Variants in ADGRA1 observed in about 807,000 individuals in gnomAD.
ADGRA1 encodes G-protein coupled receptor 123.
Under a neutral mutation model 21.3 loss-of-function variants are expected in ADGRA1, and 12 were observed. The observed-to-expected ratio is 0.56, with a 90% CI of 0.36 to 0.91. ADGRA1 has a LOEUF of 0.91. ADGRA1 is among the 40% of genes least tolerant of loss of function. ADGRA1 has a pLI of 0.01. For missense variants in ADGRA1, 790 were observed against 805.6 expected (o/e 0.98, Z 0.23); for synonymous variants, 385 against 368.8 (o/e 1.04, Z -0.50).
intron 5 of ADGRA1, among the ~76,000 whole-genome samples, chr10:133,119,886 A>G (rs1852224415): frequency 6.6e-6 from 1 of 152,208 alleles, no homozygotes. Flanking sequence ...TGTCCACTTA[A>G]CGGAGCACAG....
At chr10:133,103,253 C>T (rs1851831682) in intron 5 of ADGRA1, among the ~76,000 whole-genome samples, 1 of 152,208 alleles carries the variant, frequency 6.6e-6, no homozygotes, top group Non-Finnish European at 1.5e-5. Flanking sequence ...ACCCTCTATG[C>T]CCCGCAGGGC....
chr10:133,114,160 C>T (rs868669342), intron 5 of ADGRA1, among the ~76,000 whole-genome samples: 9 of 152,220 alleles, frequency 5.9e-5, no homozygotes, highest in South Asian at 4.1e-4. Flanking sequence ...GCCCAGTGCC[C>T]GCACACTTAG....
chr10:133,092,889 G>C (rs1032270948), intron 2 of ADGRA1: 1 of 1,515,830 alleles, frequency 6.6e-7, no homozygotes, highest in Non-Finnish European at 8.9e-7. Flanking sequence ...AATGAAGGGA[G>C]CCTGAACCTG....
In ADGRA1 at chr10:133,128,435, C is replaced by A. The variant is rs759071235; in HGVS notation, c.607C>A (p.Arg203Ser). ...YFLGTYVQLR[R>S]HPGRRYELRT... ...CCTGGGCACCTACGTGCAGCTGCGGCGCCACCCAGGGCGCAGGTACGAGCT... is the reference window on the plus strand; with the variant it reads ...CCTGGGCACCTACGTGCAGCTGCGGAGCCACCCAGGGCGCAGGTACGAGCT... Residue 203 changes from arginine (R) to serine (S), a missense_variant, in exon 7 of 7, where the codon CGC (arginine) becomes AGC (serine). By Grantham distance (110) the Arg-to-Ser change is moderately radical. This residue lies in a region of ADGRA1 where 382 missense variants were observed against 415.6 expected (regional missense o/e 0.92). Transcript: ENST00000392607. 1.2e-6 allele frequency: 2 copies of A among 1,604,862 alleles called. No homozygotes were observed. Among genetic ancestry groups the A allele is most frequent in the African/African-American group, 2.7e-5 (2 of 74,574 alleles).
intron 5 of ADGRA1, among the ~76,000 whole-genome samples, chr10:133,124,919 C>T (rs748393002): frequency 3.9e-5 from 6 of 152,342 alleles, no homozygotes; most frequent in African/African-American, 1.2e-4. Context: ...GGCGGCCTCC[C>T]GCGCCCTCTG....
chr10:133,088,145 AGGACGCGCGGGTCTGGGCGGCGGGAG>A lies in ADGRA1; in HGVS notation c.-203+19_-203+44del. 1.0e-6 allele frequency: 1 copy of A among 979,438 alleles called. No homozygotes were observed. The highest frequency in any genetic ancestry group is 5.3e-4 in the Middle Eastern group (1 of 1,900). 60.7% of individuals were successfully genotyped at this position (979,438 alleles called of 1,614,324 possible). On this transcript the variant is annotated splice_region_variant and intron_variant, in intron 1 of 6. Transcript: ENST00000392607. ...GCCGCTTCGGCCACAGCAGGTGGGA[AGGACGCGCGGGTCTGGGCGGCGGGAG>A]GGACGCGCGGGGCCGCGGCTCGGCA...
chr10:133,088,140 T>C lies in ADGRA1; in HGVS notation c.-203+2T>C, dbSNP rs1022799460. 4.1e-6 allele frequency: 4 copies of C among 979,806 alleles called. No individual in the cohort carries two copies. In the African/African-American group the frequency reaches 7.0e-5, roughly 17 times the overall value. 60.7% of individuals were successfully genotyped at this position (979,806 alleles called of 1,614,324 possible). The stretch of plus-strand genomic sequence containing the variant: ...CGGCAGCCGCTTCGGCCACAGCAGG[T>C]GGGAAGGACGCGCGGGTCTGGGCGG... On this transcript the variant is annotated splice_donor_variant, in intron 1 of 6. Coordinates refer to ENST00000392607, the MANE Select transcript of ADGRA1 (RefSeq NM_001083909.3). LOFTEE classifies it low-confidence loss of function (5UTR_SPLICE).
At chr10:133,117,471 C>A (rs1852181187) in intron 5 of ADGRA1, among the ~76,000 whole-genome samples, 2 of 152,342 alleles carry the variant, frequency 1.3e-5, no homozygotes, top group South Asian at 4.1e-4. Flanking sequence ...AGGTCCGGTG[C>A]ACTGTGGACG....
chr10:133,119,653 G>A (rs1231491945), intron 5 of ADGRA1, among the ~76,000 whole-genome samples: 10 of 152,076 alleles, frequency 6.6e-5, no homozygotes, highest in Non-Finnish European at 1.3e-4. Context: ...CCACTTTTTT[G>A]CTCATCCATA....
Position 133,129,181 on chromosome 10 carries a change from G to A in ADGRA1, c.1353G>A (p.Ser451=), listed in dbSNP as rs116404427. ...GCCTGGATGGCAGCCCCCGCAGCTC[G>A]CGCACAGACAGCCCCCCCAGCTCTC... ...PSSLDGSPRS[S]RTDSPPSSLD... Residue 451 remains serine (S), a synonymous_variant, in exon 7 of 7, where the codon TCG becomes TCA. Coordinates refer to ENST00000392607, the MANE Select transcript of ADGRA1 (RefSeq NM_001083909.3). The A allele has an allele frequency of 1.2e-3, 1,910 of 1,550,816 alleles. 23 individuals carry two copies. In the African/African-American group the frequency reaches 0.022, roughly 18 times the overall value.
intron 5 of ADGRA1, among the ~76,000 whole-genome samples, chr10:133,124,127 G>C (rs1591188400): frequency 6.6e-6 from 1 of 152,086 alleles, no homozygotes; most frequent in East Asian, 1.9e-4. Context: ...CCCAGGCTCT[G>C]CACCCTCCCC....
chr10:133,111,791 AC>A (rs1417521902), intron 5 of ADGRA1, among the ~76,000 whole-genome samples: 5 of 146,942 alleles, frequency 3.4e-5, no homozygotes, highest in Non-Finnish European at 7.5e-5. Context: ...ATCCCTCCAG[AC>A]CACCTGCCCA....
rs2806454 is a variant in ADGRA1, at chr10:133,130,923, G to A, written c.*1412G>A. ...TACTTAACACACACTTGCACCTGCTGTGCACATGTGCACACACACGTAGTA... is the reference window on the plus strand; with the variant it reads ...TACTTAACACACACTTGCACCTGCTATGCACATGTGCACACACACGTAGTA... On this transcript the variant is annotated 3_prime_UTR_variant, in exon 7 of 7. Coordinates refer to ENST00000392607, the MANE Select transcript of ADGRA1 (RefSeq NM_001083909.3). 99,008 of 152,096 alleles carry A rather than the reference G, an allele frequency of 0.65. 32,801 individuals are homozygous for A. Among genetic ancestry groups the A allele is most frequent in the African/African-American group, 0.78 (32,187 of 41,488 alleles). 9.4% of individuals were successfully genotyped at this position (152,096 alleles called of 1,614,324 possible). A position where few individuals can be genotyped will look rare whatever the true frequency, so the allele number is the denominator to read the frequency against.
intron 5 of ADGRA1, among the ~76,000 whole-genome samples, chr10:133,116,323 C>T (rs982491321): frequency 2.0e-4 from 30 of 152,102 alleles, no homozygotes; most frequent in Non-Finnish European, 1.8e-4. Flanking sequence ...AGCTCCCAGC[C>T]GCCCTCCCCG....
intron 5 of ADGRA1, among the ~76,000 whole-genome samples, chr10:133,122,736 C>T (rs1394147019): frequency 1.3e-5 from 2 of 152,138 alleles, no homozygotes; most frequent in African/African-American, 4.8e-5. Flanking sequence ...GGGCCGGCCC[C>T]ACCCCTGGCC....
Position 133,128,560 on chromosome 10 carries a change from C to G in ADGRA1, c.732C>G (p.Ser244=). The G allele has an allele frequency of 1.3e-6, 2 of 1,564,360 alleles. No homozygotes were observed. The highest frequency in any genetic ancestry group is 2.4e-5 in the East Asian group (1 of 41,742). The change falls in exon 7 of 7, where the codon TCC becomes TCG. Residue 244 remains serine, a synonymous_variant. Transcript: ENST00000392607. ...TPPAHDAPGA[S]VLQNEHSFQA... Reference sequence around the variant, plus strand: ...CCGCACACGATGCCCCCGGCGCCTCCGTGCTGCAGAACGAGCACTCATTCC... The same window carrying G: ...CCGCACACGATGCCCCCGGCGCCTCGGTGCTGCAGAACGAGCACTCATTCC...
chr10:133,101,434 G>A (rs550585006), intron 4 of ADGRA1, among the ~76,000 whole-genome samples: 58 of 152,350 alleles, frequency 3.8e-4, no homozygotes, highest in Admixed American at 2.0e-4. Context: ...GTGCAGCACC[G>A]TGGGACGCTG....
rs879345014 is a variant in ADGRA1, at chr10:133,122,852, GGCACACGCGTCCCCA to G, written c.402-4379_402-4365del. Among the ~76,000 whole-genome samples, 603 of 152,218 alleles carry G rather than the reference GGCACACGCGTCCCCA, an allele frequency of 4.0e-3. 3 individuals are homozygous for G. Among genetic ancestry groups the G allele is most frequent in the African/African-American group, 6.9e-3 (286 of 41,528 alleles). On this transcript the variant is annotated intron_variant, in intron 5 of 6. Transcript: ENST00000392607. ...GCGTCCCCAGGCACACGCGTCCCCA[GGCACACGCGTCCCCA>G]GGCTGCACTGGCTTCGAGCTGTGTG...
intron 5 of ADGRA1, among the ~76,000 whole-genome samples, chr10:133,119,219 C>T (rs546732197): frequency 1.3e-5 from 2 of 151,652 alleles, no homozygotes; most frequent in African/African-American, 4.8e-5. Context: ...TGACCATGAC[C>T]TGAGGTCTCC....
Sources: allele counts gnomAD v4.1 joint callset (sites outside exome capture counted in the v4.1 genomes callset), GRCh38; gene constraint gnomAD v4.1.1; regional missense constraint gnomAD v4.1.1; transcripts MANE v1.5; gene names NCBI Gene and HGNC (gene_info 2026-07-23, HGNC 2026-07-21).